FNIP1: variants seen among roughly 807,000 people sequenced by gnomAD.
The protein encoded by FNIP1 is folliculin-interacting protein 1.
A neutral mutation model predicts 124.5 loss-of-function variants in FNIP1; 40 were observed. The ratio of observed to expected loss-of-function variants is 0.32; its 90% CI spans 0.25 to 0.42. The LOEUF is 0.42. FNIP1 is among the 10% of genes least tolerant of loss of function. FNIP1 has a pLI of 1.00. For missense variants in FNIP1, 1,176 were observed against 1,403.7 expected, an observed-to-expected ratio of 0.84 and a Z score of 2.59; for synonymous variants, 472 against 470.6, an observed-to-expected ratio of 1.00 and a Z score of -0.04.
At chr5:131,784,849 T>G (rs1772110294) in intron 1 of FNIP1, among the ~76,000 whole-genome samples, 1 of 148,674 alleles carries the variant, frequency 6.7e-6, no homozygotes, top group South Asian at 2.1e-4. Context: ...AACAAAAATA[T>G]TAAAGTAAAT....
chr5:131,666,971 G>A (rs1043159232), intron 15 of FNIP1, among the ~76,000 whole-genome samples: 1 of 152,108 alleles, frequency 6.6e-6, no homozygotes, highest in African/African-American at 2.4e-5. Context: ...TGCATTAGAA[G>A]AACTCATATA....
intron 11 of FNIP1, among the ~76,000 whole-genome samples, chr5:131,693,548 A>T (rs1176548758): frequency 1.3e-5 from 2 of 151,686 alleles, no homozygotes; most frequent in Non-Finnish European, 2.9e-5. Context: ...ATGAATCTAG[A>T]CAAAGACCTT....
At position 131,643,340 on chromosome 5, in the gene FNIP1, TTTTTA is replaced by T. The variant is rs1766771485; in HGVS notation, c.*1340_*1344del. 1 of 152,756 alleles carries T rather than the reference TTTTTA, an allele frequency of 6.5e-6. No individual in the cohort carries two copies. The highest frequency in any genetic ancestry group is 1.5e-5 in the Non-Finnish European group (1 of 68,030). 9.5% of individuals were successfully genotyped at this position (152,756 alleles called of 1,614,324 possible). ...AACTGAATAAACAAGTGGTTTTCTT[TTTTTA>T]ATCAATGATGAAATTATGATGAAAA... On this transcript the variant is annotated 3_prime_UTR_variant, in exon 18 of 18. Transcript: ENST00000510461.
intron 1 of FNIP1, among the ~76,000 whole-genome samples, chr5:131,792,753 T>C (rs1772449937): frequency 6.6e-6 from 1 of 152,214 alleles, no homozygotes; most frequent in Non-Finnish European, 1.5e-5. Context: ...AATTATGTGC[T>C]ATTATGTGTA....
chr5:131,770,976 T>C (rs188969894), intron 1 of FNIP1, among the ~76,000 whole-genome samples: 18 of 152,290 alleles, frequency 1.2e-4, no homozygotes, highest in Non-Finnish European at 7.3e-5. Context: ...TTAGGGTACA[T>C]GTGCACATTG....
At chr5:131,693,865 C>T (rs200946422) in intron 11 of FNIP1, among the ~76,000 whole-genome samples, 15 of 151,262 alleles carry the variant, frequency 9.9e-5, no homozygotes, top group South Asian at 4.2e-4. Flanking sequence ...CAACAAAAAC[C>T]GTCAAAACTC....
chr5:131,735,929 C>G lies in FNIP1; in HGVS notation c.220-4891G>C, dbSNP rs193299534. 5.4e-3 allele frequency among the ~76,000 whole-genome samples: 819 copies of G among 152,082 alleles called. 12 individuals carry two copies. Among genetic ancestry groups the G allele is most frequent in the South Asian group, 0.041 (199 of 4,814 alleles). The stretch of plus-strand genomic sequence containing the variant: ...GGACTACAGGCGTATGCCACCACAT[C>G]CAGCTAATTTTACTTTTTGTAGAGA... On this transcript the variant is annotated intron_variant, in intron 2 of 17. Transcript: ENST00000510461.
At chr5:131,726,573 C>G (rs1048992749) in intron 3 of FNIP1, among the ~76,000 whole-genome samples, 1 of 152,164 alleles carries the variant, frequency 6.6e-6, no homozygotes, top group African/African-American at 2.4e-5. Context: ...CTTCATTAAT[C>G]TGGCTAGTGG....
intron 6 of FNIP1, among the ~76,000 whole-genome samples, chr5:131,715,988 A>G (rs1472547366): frequency 2.6e-5 from 4 of 152,190 alleles, no homozygotes; most frequent in Non-Finnish European, 5.9e-5. Context: ...AGTTCAGTTG[A>G]GCTGTCTAGA....
intron 1 of FNIP1, among the ~76,000 whole-genome samples, chr5:131,757,472 A>G (rs1013594127): frequency 6.6e-6 from 1 of 152,196 alleles, no homozygotes; most frequent in Non-Finnish European, 1.5e-5. Context: ...AGTGTGGTAC[A>G]ATATCATAGG....
At chr5:131,669,306 A>G (rs923904123) in intron 15 of FNIP1, among the ~76,000 whole-genome samples, 1 of 152,194 alleles carries the variant, frequency 6.6e-6, no homozygotes, top group African/African-American at 2.4e-5. Flanking sequence ...AATCTTCTGG[A>G]AACTCTTCCA....
intron 11 of FNIP1, among the ~76,000 whole-genome samples, chr5:131,688,041 T>C (rs1386272551): frequency 6.6e-6 from 1 of 151,794 alleles, no homozygotes; most frequent in Non-Finnish European, 1.5e-5. Context: ...GAAAAATAGG[T>C]GGCAGGGAGA....
intron 2 of FNIP1, among the ~76,000 whole-genome samples, chr5:131,733,701 C>A (rs1770184000): frequency 6.6e-6 from 1 of 152,132 alleles, no homozygotes; most frequent in South Asian, 2.1e-4. Context: ...GGTGGATAAG[C>A]TTTTTGATGT....
Position 131,779,781 on chromosome 5 carries a change from T to C in FNIP1, c.92+17049A>G, listed in dbSNP as rs187632793. 5.3e-3 allele frequency among the ~76,000 whole-genome samples: 806 copies of C among 151,446 alleles called. 11 individuals carry two copies. The highest frequency in any genetic ancestry group is 0.039 in the South Asian group (187 of 4,814). ...CAACCAAAAAAAAACAGTAATAGTA[T>C]TAATATTTAAAATAAGGTGGGGGAA... On this transcript the variant is annotated intron_variant, in intron 1 of 17. Transcript: ENST00000510461.
At chr5:131,736,894 A>G (rs1281458640) in intron 2 of FNIP1, among the ~76,000 whole-genome samples, 1 of 152,206 alleles carries the variant, frequency 6.6e-6, no homozygotes, top group African/African-American at 2.4e-5. Context: ...TGGGATATCA[A>G]GTAGGCAGTT....
chr5:131,648,699 G>A (rs903175115), intron 16 of FNIP1, among the ~76,000 whole-genome samples: 6 of 152,016 alleles, frequency 3.9e-5, no homozygotes, highest in Non-Finnish European at 8.8e-5. Context: ...AAGAGCATTC[G>A]ATGTTGTGCA....
intron 11 of FNIP1, among the ~76,000 whole-genome samples, chr5:131,687,837 T>C (rs1314932360): frequency 2.0e-5 from 3 of 152,204 alleles, no homozygotes; most frequent in Non-Finnish European, 2.9e-5. Context: ...TTTCATGGGA[T>C]ACTACCATAT....
chr5:131,708,019 T>C (rs1769171197), intron 8 of FNIP1, among the ~76,000 whole-genome samples: 2 of 152,004 alleles, frequency 1.3e-5, no homozygotes, highest in Non-Finnish European at 2.9e-5. Flanking sequence ...AGAAACTCAA[T>C]TAGAAAAGAA....
chr5:131,744,795 CTTA>C (rs1267350556), intron 1 of FNIP1, 105 bp from the exon 2 acceptor site: 6 of 798,114 alleles, frequency 7.5e-6, no homozygotes, highest in African/African-American at 1.8e-5. Context: ...CCAAAATTAT[CTTA>C]TTGTTAAATA....
Sources: allele counts gnomAD v4.1 joint callset (sites outside exome capture counted in the v4.1 genomes callset), GRCh38; gene constraint gnomAD v4.1.1; transcripts MANE v1.5; gene names NCBI Gene and HGNC (gene_info 2026-07-23, HGNC 2026-07-21).